LEF1: variants seen among roughly 807,000 people sequenced by gnomAD.
LEF1 encodes the protein lymphoid enhancer-binding factor 1.
Under a neutral mutation model 51.2 loss-of-function variants are expected in LEF1, and 14 were observed. The observed-to-expected ratio is 0.27, with a 90% CI of 0.18 to 0.43. The LOEUF (loss-of-function observed/expected upper bound fraction) is 0.43, where lower values mean the gene tolerates loss of function less well. Ranked by LOEUF, LEF1 falls within the 20% of genes least tolerant of loss-of-function variation. The pLI is 1.00. For synonymous variants in LEF1, 185 were observed against 183.2 expected (o/e 1.01, Z -0.08); for missense variants, 386 against 512.0 (o/e 0.75, Z 2.37).
At chr4:108,144,318 A>G (rs1035597367) in intron 3 of LEF1, among the ~76,000 whole-genome samples, 1 of 152,234 alleles carries the variant, frequency 6.6e-6, no homozygotes, top group Non-Finnish European at 1.5e-5. Context: ...TCAGTGAAGA[A>G]CAAAGCTGGC....
chr4:108,166,194 C>G, intron 1 of LEF1: 1 of 1,455,110 alleles, frequency 6.9e-7, no homozygotes, highest in South Asian at 1.3e-5. Flanking sequence ...CCAGCCCGCT[C>G]AAACTGGATT....
intron 7 of LEF1, 70 bp from the exon 8 acceptor site, chr4:108,078,452 A>G (rs761301924): frequency 2.5e-6 from 4 of 1,597,026 alleles, no homozygotes; most frequent in Non-Finnish European, 3.4e-6. Flanking sequence ...GGGAGGAGAA[A>G]AGCAGAGCAC....
intron 9 of LEF1, among the ~76,000 whole-genome samples, chr4:108,069,258 C>T (rs1738290187): frequency 6.6e-6 from 1 of 152,214 alleles, no homozygotes; most frequent in Non-Finnish European, 1.5e-5. Context: ...GTTTATAACT[C>T]ACCATGTCCA....
At chr4:108,054,570 T>G (rs1209783167) in intron 11 of LEF1, among the ~76,000 whole-genome samples, 1 of 152,196 alleles carries the variant, frequency 6.6e-6, no homozygotes, top group East Asian at 1.9e-4. Context: ...TGGCAGGTGG[T>G]CCATACAGGT....
Position 108,064,321 on chromosome 4 carries a change from T to C in LEF1, c.1165+15A>G. The C allele has an allele frequency of 6.2e-7, 1 of 1,601,804 alleles. No homozygotes were observed. The highest frequency in any genetic ancestry group is 8.6e-7 in the Non-Finnish European group (1 of 1,168,916). ...AGAAGCCTGAGGATTGACTGGAAAG[T>C]CTCATGGTGCCTACCTGATGCAGAT... is the stretch of plus-strand genomic sequence containing the variant. On this transcript the variant is annotated intron_variant, in intron 10 of 11. Transcript: ENST00000265165.
At chr4:108,052,644 C>T (rs1467124217) in intron 11 of LEF1, among the ~76,000 whole-genome samples, 1 of 152,134 alleles carries the variant, frequency 6.6e-6, no homozygotes, top group Non-Finnish European at 1.5e-5. Flanking sequence ...CGTGACAGAG[C>T]TAGTCTAATC....
intron 3 of LEF1, among the ~76,000 whole-genome samples, chr4:108,109,569 A>G (rs548243460): frequency 9.3e-4 from 141 of 152,332 alleles, no homozygotes; most frequent in African/African-American, 3.2e-3. Context: ...AATATTTGCA[A>G]ACCACTTAGA....
At position 108,165,082 on chromosome 4, in the gene LEF1, G is replaced by A; in HGVS notation, c.280+15C>T. ...TTATCTGCTAAAGTCAGAAGAAGTAGAATGGGTGTCTTACCGTCATCGGGG... is the reference window on the plus strand; with the variant it reads ...TTATCTGCTAAAGTCAGAAGAAGTAAAATGGGTGTCTTACCGTCATCGGGG... On this transcript the variant is annotated intron_variant, in intron 2 of 11. Transcript: ENST00000265165. The A allele has an allele frequency of 1.9e-6, 3 of 1,612,286 alleles. No individual in the cohort carries two copies. The highest frequency in any genetic ancestry group is 2.5e-6 in the Non-Finnish European group (3 of 1,178,344).
At chr4:108,163,077 C>A (rs993425917) in intron 3 of LEF1, among the ~76,000 whole-genome samples, 1 of 152,112 alleles carries the variant, frequency 6.6e-6, no homozygotes, top group African/African-American at 2.4e-5. Flanking sequence ...CTCATCCCCG[C>A]CAAACCGATC....
chr4:108,142,358 C>T (rs555288103), intron 3 of LEF1, among the ~76,000 whole-genome samples: 1 of 152,274 alleles, frequency 6.6e-6, no homozygotes, highest in East Asian at 1.9e-4. Flanking sequence ...TCAATTCTGG[C>T]TCCAGATACA....
chr4:108,128,905 A>G (rs1252922986), intron 3 of LEF1, among the ~76,000 whole-genome samples: 1 of 152,216 alleles, frequency 6.6e-6, no homozygotes, highest in African/African-American at 2.4e-5. Flanking sequence ...AAAAATGTCC[A>G]TCATAAGTGG....
chr4:108,166,245 C>A, intron 1 of LEF1: 2 of 1,535,300 alleles, frequency 1.3e-6, no homozygotes, highest in Non-Finnish European at 1.7e-6. Context: ...GAACGCAGGC[C>A]CCCAGCCTTT....
intron 3 of LEF1, among the ~76,000 whole-genome samples, chr4:108,125,562 T>C (rs1742474691): frequency 6.6e-6 from 1 of 152,206 alleles, no homozygotes; most frequent in Non-Finnish European, 1.5e-5. Flanking sequence ...GTAAAATATC[T>C]AGTGTTTGAG....
At position 108,118,352 on chromosome 4, in the gene LEF1, C is replaced by A. The variant is rs562620151; in HGVS notation, c.415-29095G>T. The stretch of plus-strand genomic sequence containing the variant: ...TAAACAGTGACATAAAAATACTCAA[C>A]AGATCGATTTGTCAACAGTCAAGTT... On this transcript the variant is annotated intron_variant, in intron 3 of 11. Coordinates refer to ENST00000265165, the MANE Select transcript of LEF1 (RefSeq NM_016269.5). Among the ~76,000 whole-genome samples, 11 of 152,322 alleles carry A rather than the reference C, an allele frequency of 7.2e-5. No homozygotes were observed. In the South Asian group the frequency reaches 1.4e-3, roughly 20 times the overall value.
At chr4:108,145,648 A>G (rs901432976) in intron 3 of LEF1, among the ~76,000 whole-genome samples, 2 of 152,236 alleles carry the variant, frequency 1.3e-5, no homozygotes, top group African/African-American at 4.8e-5. Context: ...GCCAGAGTGG[A>G]AAAGAAATGA....
chr4:108,087,404 CT>C (rs1343124389), intron 4 of LEF1, among the ~76,000 whole-genome samples: 2 of 151,732 alleles, frequency 1.3e-5, no homozygotes, highest in African/African-American at 4.8e-5. Context: ...TTAGTCCCTT[CT>C]CGGTAGTTTT....
chr4:108,141,872 G>A (rs1160310537), intron 3 of LEF1, among the ~76,000 whole-genome samples: 1 of 152,140 alleles, frequency 6.6e-6, no homozygotes, highest in Admixed American at 6.5e-5. Context: ...ATGCAAAGAT[G>A]GGGGTGGGGA....
Position 108,168,564 on chromosome 4 carries a change from G to C in LEF1, c.-797C>G, listed in dbSNP as rs1444671289. On this transcript the variant is annotated 5_prime_UTR_variant, in exon 1 of 12. Transcript: ENST00000265165. The surrounding 1 kb of genome is among the most constrained non-coding windows in gnomAD (Gnocchi z 4.6). ...CCAAGAATAAAGTTTTTGCCGGCAA[G>C]CGCGGGGACTCCGCAGTGGAGGGCA... 6.6e-6 allele frequency: 1 copy of C among 152,208 alleles called. No individual in the cohort carries two copies. The highest frequency in any genetic ancestry group is 1.5e-5 in the Non-Finnish European group (1 of 68,108). The allele number at this position is 152,208 out of a possible 1,614,324, so 9.4% of individuals were successfully genotyped here.
intron 3 of LEF1, among the ~76,000 whole-genome samples, chr4:108,160,591 TAAGGATTCCAGTTCTAG>T (rs1745001690): frequency 6.6e-6 from 1 of 152,140 alleles, no homozygotes; most frequent in Non-Finnish European, 1.5e-5. Context: ...TTCACACCCC[TAAGGATTCCAGTTCTAG>T]AAGGATGTAA....
Sources: allele counts gnomAD v4.1 joint callset (sites outside exome capture counted in the v4.1 genomes callset), GRCh38; gene constraint gnomAD v4.1.1; non-coding constraint Gnocchi (gnomAD v3.1); transcripts MANE v1.5; gene names NCBI Gene and HGNC (gene_info 2026-07-23, HGNC 2026-07-21).